Variants in SERGEF observed in about 807,000 individuals in gnomAD.
SERGEF encodes the protein secretion-regulating guanine nucleotide exchange factor.
SERGEF carries 51 observed loss-of-function variants against 50.0 expected under a neutral mutation model. That is an observed-to-expected ratio of 1.02 (90% CI 0.81 to 1.29). SERGEF has a LOEUF of 1.29. SERGEF is among the 50% of genes most tolerant of loss of function. The pLI, the probability that SERGEF is intolerant of heterozygous loss-of-function variation, is 0.00. For synonymous variants in SERGEF, 205 were observed against 212.4 expected, an observed-to-expected ratio of 0.97 and a Z score of 0.30; for missense variants, 521 against 557.0, an observed-to-expected ratio of 0.94 and a Z score of 0.65.
intron 9 of SERGEF, among the ~76,000 whole-genome samples, chr11:17,893,733 T>A (rs1851575147): frequency 2.0e-5 from 3 of 152,312 alleles, no homozygotes; most frequent in Non-Finnish European, 4.4e-5. Context: ...TGGGCAGGGA[T>A]GCATGGGTAG....
intron 1 of SERGEF, among the ~76,000 whole-genome samples, chr11:18,011,434 G>A (rs372093650): frequency 6.6e-6 from 1 of 152,170 alleles, no homozygotes; most frequent in Non-Finnish European, 1.5e-5. Flanking sequence ...GTGAGAAGGC[G>A]GCCATCTGCA....
At chr11:18,011,992 T>C (rs1418390449) in intron 1 of SERGEF, among the ~76,000 whole-genome samples, 1 of 152,150 alleles carries the variant, frequency 6.6e-6, no homozygotes, top group Non-Finnish European at 1.5e-5. Context: ...AATTTTGCTC[T>C]CCCCCAACAC....
rs1853829362 is a variant in SERGEF, at chr11:17,995,952, A to G, written c.509-43T>C. On this transcript the variant is annotated intron_variant, in intron 5 of 10. Transcript: ENST00000265965. ...AGAGAAAGCAGAGAAGATGCACATC[A>G]GGATAAGACTAGATTGCTCTTTGAA... 1.4e-6 allele frequency: 2 copies of G among 1,379,576 alleles called. 1 individual carries two copies. Among genetic ancestry groups the G allele is most frequent in the South Asian group, 2.4e-5 (2 of 84,636 alleles). The allele number at this position is 1,379,576 out of a possible 1,614,324, so 85.5% of individuals were successfully genotyped here.
chr11:18,004,362 T>C, intron 4 of SERGEF, 79 bp downstream of exon 4: 3 of 1,053,586 alleles, frequency 2.8e-6, no homozygotes, highest in Non-Finnish European at 4.2e-6. Flanking sequence ...TGACAGCCTT[T>C]TATTCTGGGG....
chr11:17,971,387 G>C (rs1424481242), intron 8 of SERGEF, among the ~76,000 whole-genome samples: 2 of 152,146 alleles, frequency 1.3e-5, no homozygotes, highest in East Asian at 1.9e-4. Context: ...TAACTATCTA[G>C]GGCTAATGCA....
At chr11:17,932,337 C>T (rs1174364060) in intron 9 of SERGEF, among the ~76,000 whole-genome samples, 1 of 152,154 alleles carries the variant, frequency 6.6e-6, no homozygotes, top group African/African-American at 2.4e-5. Context: ...GGTGTTCCCA[C>T]ACATTCGCTG....
intron 10 of SERGEF, among the ~76,000 whole-genome samples, chr11:17,814,310 G>T (rs1387989797): frequency 6.6e-6 from 1 of 152,228 alleles, no homozygotes; most frequent in Non-Finnish European, 1.5e-5. Context: ...AAAGACTGAG[G>T]TTTATTGGAG....
chr11:17,825,767 A>G (rs1258685040), intron 10 of SERGEF, among the ~76,000 whole-genome samples: 1 of 152,218 alleles, frequency 6.6e-6, no homozygotes, highest in Admixed American at 6.5e-5. Context: ...CTTGGACATT[A>G]GGTGTATGAT....
intron 8 of SERGEF, among the ~76,000 whole-genome samples, chr11:17,974,198 T>A (rs190479351): frequency 6.6e-6 from 1 of 152,336 alleles, no homozygotes; most frequent in East Asian, 1.9e-4. Context: ...TGCTCCCATC[T>A]GTCCCTCAGG....
chr11:17,973,213 C>T (rs1292508729), intron 8 of SERGEF, among the ~76,000 whole-genome samples: 1 of 152,112 alleles, frequency 6.6e-6, no homozygotes, highest in African/African-American at 2.4e-5. Flanking sequence ...GTAAAAATCC[C>T]AGCACTTGGC....
chr11:17,842,567 G>A (rs1250118583), intron 10 of SERGEF, among the ~76,000 whole-genome samples: 1 of 152,180 alleles, frequency 6.6e-6, no homozygotes, highest in Non-Finnish European at 1.5e-5. Context: ...CAGAAACTCA[G>A]AGAGGATTTG....
intron 10 of SERGEF, among the ~76,000 whole-genome samples, chr11:17,839,578 G>A (rs918997159): frequency 6.6e-6 from 1 of 152,132 alleles, no homozygotes; most frequent in Admixed American, 6.5e-5. Flanking sequence ...AAAGGACAGC[G>A]TGTCCCAGCC....
At chr11:17,871,074 A>G (rs1322415629) in intron 10 of SERGEF, among the ~76,000 whole-genome samples, 2 of 152,230 alleles carry the variant, frequency 1.3e-5, no homozygotes, top group African/African-American at 4.8e-5. Flanking sequence ...ATAAAGCTTC[A>G]CAAAGAAGAC....
At chr11:17,926,891 G>A in intron 9 of SERGEF, 1 of 455,872 alleles carries the variant, frequency 2.2e-6, no homozygotes, top group South Asian at 1.6e-5. Flanking sequence ...GAATGAAAAG[G>A]TTACCCACTG....
intron 9 of SERGEF, among the ~76,000 whole-genome samples, chr11:17,909,833 A>G (rs1225024522): frequency 6.6e-6 from 1 of 152,172 alleles, no homozygotes; most frequent in Non-Finnish European, 1.5e-5. Context: ...AAAGTTTCTG[A>G]TTAGACCTCC....
At chr11:18,000,705 A>AT (rs1293209654) in intron 4 of SERGEF, 148 bp from the exon 5 acceptor site, 7 of 718,664 alleles carry the variant, frequency 9.7e-6, no homozygotes, top group Non-Finnish European at 1.8e-5. Context: ...CCACCCATTA[A>AT]TACCTCTACA....
At chr11:17,904,136 A>G (rs1851797475) in intron 9 of SERGEF, among the ~76,000 whole-genome samples, 1 of 152,250 alleles carries the variant, frequency 6.6e-6, no homozygotes, top group South Asian at 2.1e-4. Flanking sequence ...CCACTGCTTT[A>G]GACCCTGTGT....
intron 9 of SERGEF, among the ~76,000 whole-genome samples, chr11:17,953,279 T>C (rs1428171339): frequency 1.3e-5 from 2 of 152,218 alleles, no homozygotes; most frequent in South Asian, 2.1e-4. Context: ...TCCACTCTTC[T>C]CTGCTTCCCC....
At chr11:17,949,042 C>A (rs1408145432) in intron 9 of SERGEF, among the ~76,000 whole-genome samples, 3 of 152,134 alleles carry the variant, frequency 2.0e-5, no homozygotes, top group Non-Finnish European at 4.4e-5. Flanking sequence ...AGATTAACCT[C>A]CCCCTTCTAG....
Sources: gnomAD v4.1 joint callset for allele counts (sites outside exome capture counted in the v4.1 genomes callset) on GRCh38, gnomAD v4.1.1 for gene constraint, MANE v1.5 for transcripts, NCBI Gene and HGNC (gene_info 2026-07-23, HGNC 2026-07-21) for gene names.